CDC5L: variants seen among roughly 807,000 people sequenced by gnomAD.
The protein encoded by CDC5L is cell division cycle 5-like protein.
Under a neutral mutation model 104.1 loss-of-function variants are expected in CDC5L, and 18 were observed. The observed-to-expected ratio is 0.17, with a 90% CI of 0.12 to 0.26. The LOEUF (loss-of-function observed/expected upper bound fraction) is 0.26, where lower values mean the gene tolerates loss of function less well. CDC5L is among the 10% of genes least tolerant of loss of function. The pLI is 1.00. For missense variants in CDC5L, 673 were observed against 956.9 expected, an observed-to-expected ratio of 0.70 and a Z score of 3.91; for synonymous variants, 331 against 322.7, an observed-to-expected ratio of 1.03 and a Z score of -0.28.
At position 44,447,878 on chromosome 6, in the gene CDC5L, G is replaced by A. The variant is rs1314009156; in HGVS notation, c.*1167G>A. On this transcript the variant is annotated 3_prime_UTR_variant, in exon 16 of 16. Transcript: ENST00000371477. ...TTGCTCTCATGGAGGTGACATTAGT[G>A]GGGAGGAGATACTAAGTATGTCCAG... The A allele has an allele frequency of 6.6e-6, 1 of 152,154 alleles. No homozygotes were observed. Among genetic ancestry groups the A allele is most frequent in the African/African-American group, 2.4e-5 (1 of 41,432 alleles). 9.4% of individuals were successfully genotyped at this position (152,154 alleles called of 1,614,324 possible).
intron 5 of CDC5L, among the ~76,000 whole-genome samples, chr6:44,396,891 G>GTGC (rs1790894231): frequency 6.6e-6 from 1 of 152,208 alleles, no homozygotes; most frequent in Non-Finnish European, 1.5e-5. Flanking sequence ...AGGGTCCTGA[G>GTGC]TGCAGGTGCT....
intron 8 of CDC5L, 84 bp from the exon 9 acceptor site, chr6:44,419,365 C>G: frequency 3.9e-6 from 5 of 1,286,568 alleles, no homozygotes; most frequent in Non-Finnish European, 5.5e-6. Context: ...CTGCCTGCTT[C>G]AAGATTGGTA....
intron 2 of CDC5L, among the ~76,000 whole-genome samples, chr6:44,390,627 A>C (rs1474787728): frequency 6.6e-6 from 1 of 152,106 alleles, no homozygotes; most frequent in Non-Finnish European, 1.5e-5. Context: ...TGACTGATAG[A>C]GATGTGAGTT....
At chr6:44,443,263 T>G (rs1448256302) in intron 14 of CDC5L, among the ~76,000 whole-genome samples, 3 of 152,086 alleles carry the variant, frequency 2.0e-5, no homozygotes, top group African/African-American at 7.2e-5. Flanking sequence ...GGTGATATGC[T>G]TTTTTCTTGC....
chr6:44,389,278 A>G (rs779749142), intron 1 of CDC5L, among the ~76,000 whole-genome samples: 36 of 152,156 alleles, frequency 2.4e-4, no homozygotes, highest in Admixed American at 5.2e-4. Context: ...TAAATTGGAG[A>G]AGAGATGACT....
At chr6:44,430,368 G>A (rs1201008121) in intron 14 of CDC5L, among the ~76,000 whole-genome samples, 1 of 150,302 alleles carries the variant, frequency 6.7e-6, no homozygotes, top group African/African-American at 2.5e-5. Context: ...CTGTGAGTTT[G>A]AGTTAGGGAG....
chr6:44,391,395 C>A (rs1790613725), intron 2 of CDC5L, among the ~76,000 whole-genome samples: 1 of 151,926 alleles, frequency 6.6e-6, no homozygotes, highest in African/African-American at 2.4e-5. Context: ...ACTACAGGCT[C>A]CTGCCACCAT....
chr6:44,436,408 G>A (rs996607926), intron 14 of CDC5L, among the ~76,000 whole-genome samples: 10 of 134,986 alleles, frequency 7.4e-5, no homozygotes, highest in Admixed American at 6.6e-4. Context: ...TTTGGTTAGC[G>A]TAAATAGATT....
In CDC5L at chr6:44,421,825, A is replaced by G. The variant is rs144936391; in HGVS notation, c.1242-822A>G. Among the ~76,000 whole-genome samples, 4 of 152,306 alleles carry G rather than the reference A, an allele frequency of 2.6e-5. No homozygotes were observed. In the East Asian group the frequency reaches 5.8e-4, roughly 22 times the overall value. ...GCCGTTTTATATCAGGGAGTTGAGT[A>G]TCTGCAGGGAGTTGAGTATTGGTCC... On this transcript the variant is annotated intron_variant, in intron 9 of 15. Transcript: ENST00000371477.
chr6:44,439,448 C>T lies in CDC5L; in HGVS notation c.2092-6207C>T, dbSNP rs143195719. On this transcript the variant is annotated intron_variant, in intron 14 of 15. Coordinates refer to ENST00000371477, the MANE Select transcript of CDC5L (RefSeq NM_001253.4). Reference sequence around the variant, plus strand: ...ATCTTCCCATAGAGTTGGGAAGCACCGCGAGTCCATGTTCTAACGCTATTT... The same window carrying T: ...ATCTTCCCATAGAGTTGGGAAGCACTGCGAGTCCATGTTCTAACGCTATTT... Among the ~76,000 whole-genome samples, 213 of 152,204 alleles carry T rather than the reference C, an allele frequency of 1.4e-3. 1 individual carries two copies. The highest frequency in any genetic ancestry group is 1.7e-3 in the Non-Finnish European group (119 of 68,010).
rs1193239495 is a variant in CDC5L, at chr6:44,443,282, A to G, written c.2092-2373A>G. ...ATATGCTTTTTTCTTGCAGTTTTCAATACTCTGCCATTAGTTTTTGACATT... is the reference window on the plus strand; with the variant it reads ...ATATGCTTTTTTCTTGCAGTTTTCAGTACTCTGCCATTAGTTTTTGACATT... On this transcript the variant is annotated intron_variant, in intron 14 of 15. Coordinates refer to ENST00000371477, the MANE Select transcript of CDC5L (RefSeq NM_001253.4). 3.3e-5 allele frequency among the ~76,000 whole-genome samples: 5 copies of G among 150,126 alleles called. No homozygotes were observed. The South Asian group carries it at 1.1e-3, about 32-fold the overall frequency.
Position 44,426,169 on chromosome 6 carries a change from C to T in CDC5L, c.1636C>T (p.Pro546Ser). The T allele has an allele frequency of 1.2e-6, 2 of 1,604,488 alleles. No homozygotes were observed. Among genetic ancestry groups the T allele is most frequent in the Non-Finnish European group, 1.7e-6 (2 of 1,173,812 alleles). ...GCATAAAGCTGTCCAGAAAGATCTG[C>T]CAAGACCATCAGAAGTAAGTGTTAG... ...RMHKAVQKDL[P>S]RPSEVNETIL... The change falls in exon 12 of 16, where the codon CCA (proline) becomes TCA (serine). Residue 546 changes from proline (P) to serine (S), a missense_variant. Coordinates refer to ENST00000371477, the MANE Select transcript of CDC5L (RefSeq NM_001253.4).
At position 44,443,098 on chromosome 6, in the gene CDC5L, TTTCC is replaced by T. The variant is rs141584444; in HGVS notation, c.2092-2545_2092-2542del. On this transcript the variant is annotated intron_variant, in intron 14 of 15. Transcript: ENST00000371477. ...CTGTCCCTGTCTCTCTTTCTTTTCT[TTTCC>T]TTCCTTCCTTCTTTTCTTTTCTTTT... is the stretch of plus-strand genomic sequence containing the variant. 7.7e-3 allele frequency among the ~76,000 whole-genome samples: 1,173 copies of T among 151,896 alleles called. 20 individuals carry two copies. Among genetic ancestry groups the T allele is most frequent in the African/African-American group, 0.027 (1,118 of 41,426 alleles).
At chr6:44,408,713 G>A in intron 8 of CDC5L, 81 bp downstream of exon 8, 1 of 1,049,538 alleles carries the variant, frequency 9.5e-7, no homozygotes. Context: ...TAAGCGGTTT[G>A]GTTGTGTTTC....
chr6:44,440,734 G>T (rs1330111249), intron 14 of CDC5L, among the ~76,000 whole-genome samples: 1 of 138,948 alleles, frequency 7.2e-6, no homozygotes, highest in East Asian at 2.2e-4. Flanking sequence ...TTGCTATGGA[G>T]TCTTGCTGTG....
Position 44,446,780 on chromosome 6 carries a change from A to C in CDC5L, c.*69A>C. On this transcript the variant is annotated 3_prime_UTR_variant, in exon 16 of 16. Coordinates refer to ENST00000371477, the MANE Select transcript of CDC5L (RefSeq NM_001253.4). Reference sequence around the variant, plus strand: ...TTCATACTCTAGAAGGCTGAAACTGATGTTTATCTTCATTGACAAATTTAC... The same window carrying C: ...TTCATACTCTAGAAGGCTGAAACTGCTGTTTATCTTCATTGACAAATTTAC... 1 of 741,626 alleles carries C rather than the reference A, an allele frequency of 1.3e-6. No homozygotes were observed. Among genetic ancestry groups the C allele is most frequent in the Non-Finnish European group, 2.2e-6 (1 of 445,258 alleles). 45.9% of individuals were successfully genotyped at this position (741,626 alleles called of 1,614,324 possible).
intron 14 of CDC5L, among the ~76,000 whole-genome samples, chr6:44,440,926 G>A (rs139663709): frequency 6.6e-5 from 10 of 151,992 alleles, no homozygotes; most frequent in Non-Finnish European, 1.0e-4. Context: ...AAGGCTGGTC[G>A]TGAACTCCTA....
At chr6:44,388,442 C>T (rs543989861) in intron 1 of CDC5L, among the ~76,000 whole-genome samples, 50 of 152,212 alleles carry the variant, frequency 3.3e-4, no homozygotes, top group Middle Eastern at 3.4e-3. Context: ...CTCTTTCTGT[C>T]ACTGCCTTTG....
Position 44,445,660 on chromosome 6 carries a change from C to G in CDC5L, c.2097C>G (p.Asn699Lys). 6.2e-7 allele frequency: 1 copy of G among 1,612,414 alleles called. No homozygotes were observed. The highest frequency in any genetic ancestry group is 8.5e-7 in the Non-Finnish European group (1 of 1,178,830). ...GATCTTCCCCTGCTCTCCAGATAAA[C>G]AGGGGTCACATGACGACAGAAGCCA... Reference protein sequence around the residue: ...IESLEKRLEINRGHMTTEAKR... With the variant: ...IESLEKRLEIKRGHMTTEAKR... Residue 699 changes from asparagine (N) to lysine (K), a missense_variant, in exon 15 of 16, where the codon AAC becomes AAG. Transcript: ENST00000371477.
Sources: allele counts gnomAD v4.1 joint callset (sites outside exome capture counted in the v4.1 genomes callset), GRCh38; gene constraint gnomAD v4.1.1; transcripts MANE v1.5; gene names NCBI Gene and HGNC (gene_info 2026-07-23, HGNC 2026-07-21).